The following ENOX1 variants were observed in gnomAD, a reference collection of about 807,000 sequenced individuals.
ENOX1 encodes ecto-NOX disulfide-thiol exchanger 1, also known as candidate growth-related and time keeping constitutive hydroquinone (NADH) oxidase.
A neutral mutation model predicts 82.5 loss-of-function variants in ENOX1; 42 were observed. That is an observed-to-expected ratio of 0.51 (90% CI 0.40 to 0.66). The LOEUF (loss-of-function observed/expected upper bound fraction) is 0.66. Among genes scored for constraint, ENOX1 ranks in the 30% least tolerant of loss-of-function variants. ENOX1 has a pLI of 0.00. For missense variants in ENOX1, 608 were observed against 811.6 expected (o/e 0.75, Z 3.05); for synonymous variants, 271 against 282.2 (o/e 0.96, Z 0.40).
chr13:43,397,020 G>A (rs974621563), intron 5 of ENOX1, among the ~76,000 whole-genome samples: 1 of 152,158 alleles, frequency 6.6e-6, no homozygotes, highest in African/African-American at 2.4e-5. Context: ...CATACTGAGT[G>A]GCTTTTCCTG....
chr13:43,470,365 CGT>C lies in ENOX1; in HGVS notation c.-75+13642_-75+13643del, dbSNP rs1491516476. Among the ~76,000 whole-genome samples, 20 of 27,376 alleles carry C rather than the reference CGT, an allele frequency of 7.3e-4. 1 individual carries two copies. The highest frequency in any genetic ancestry group is 3.0e-3 in the African/African-American group (18 of 5,952). 18.0% of individuals were successfully genotyped at this position (27,376 alleles called of 152,430 possible). A position where few individuals can be genotyped will look rare whatever the true frequency, so the allele number is the denominator to read the frequency against. ...ACGTATATATATATGTATATATATA[CGT>C]ATATATATACATATATATACGTATA... is the stretch of plus-strand genomic sequence containing the variant. On this transcript the variant is annotated intron_variant, in intron 3 of 16. Transcript: ENST00000690772.
intron 8 of ENOX1, among the ~76,000 whole-genome samples, chr13:43,347,071 C>T (rs1251983364): frequency 1.3e-5 from 2 of 152,104 alleles, no homozygotes; most frequent in African/African-American, 4.8e-5. Flanking sequence ...TTTTCCTTCT[C>T]TTGCTTGTGG....
intron 2 of ENOX1, among the ~76,000 whole-genome samples, chr13:43,612,670 AAGTT>A (rs1283373522): frequency 6.6e-6 from 1 of 152,168 alleles, no homozygotes; most frequent in Non-Finnish European, 1.5e-5. Flanking sequence ...TTGTTTCAAA[AAGTT>A]AGTCTGGTAA....
intron 3 of ENOX1, among the ~76,000 whole-genome samples, chr13:43,422,600 T>C (rs2055043225): frequency 1.3e-5 from 2 of 152,188 alleles, no homozygotes; most frequent in Non-Finnish European, 2.9e-5. Context: ...CCACAGCATG[T>C]CTATCTTTGA....
intron 1 of ENOX1, among the ~76,000 whole-genome samples, chr13:43,740,855 T>C (rs1202987638): frequency 6.6e-6 from 1 of 152,212 alleles, no homozygotes; most frequent in East Asian, 1.9e-4. Flanking sequence ...TATTCCATTG[T>C]CTAGCTATAT....
chr13:43,491,296 A>C (rs1566366539), intron 2 of ENOX1, among the ~76,000 whole-genome samples: 1 of 152,012 alleles, frequency 6.6e-6, no homozygotes, highest in East Asian at 1.9e-4. Flanking sequence ...TGATCCCATC[A>C]CCTCCTACCA....
Position 43,403,303 on chromosome 13 carries a change from C to T in ENOX1, c.208+8613G>A, listed in dbSNP as rs575724541. On this transcript the variant is annotated intron_variant, in intron 5 of 16. Coordinates refer to ENST00000690772, the MANE Select transcript of ENOX1 (RefSeq NM_001347969.2). Reference sequence around the variant, plus strand: ...TTTATATTAATAATTCAGAAGAGGTCGATCTAATGCTAAGCAAGTAAATTT... The same window carrying T: ...TTTATATTAATAATTCAGAAGAGGTTGATCTAATGCTAAGCAAGTAAATTT... Among the ~76,000 whole-genome samples, 133 of 152,006 alleles carry T rather than the reference C, an allele frequency of 8.7e-4. 1 individual carries two copies. Among genetic ancestry groups the T allele is most frequent in the African/African-American group, 3.2e-3 (131 of 41,464 alleles).
At chr13:43,464,309 T>A (rs764863552) in intron 3 of ENOX1, among the ~76,000 whole-genome samples, 3 of 152,066 alleles carry the variant, frequency 2.0e-5, no homozygotes, top group Non-Finnish European at 4.4e-5. Context: ...CAACAGATGA[T>A]GAAGATGAAA....
At chr13:43,380,736 G>T (rs979168513) in intron 5 of ENOX1, among the ~76,000 whole-genome samples, 19 of 151,686 alleles carry the variant, frequency 1.3e-4, no homozygotes, top group African/African-American at 4.6e-4. Context: ...TAACATTAAT[G>T]AAAAGAAAGC....
At chr13:43,462,598 G>C (rs552018829) in intron 3 of ENOX1, among the ~76,000 whole-genome samples, 1 of 152,336 alleles carries the variant, frequency 6.6e-6, no homozygotes, top group African/African-American at 2.4e-5. Flanking sequence ...ATTCTGAGTA[G>C]TTATTACTAC....
intron 1 of ENOX1, among the ~76,000 whole-genome samples, chr13:43,755,017 A>G (rs1441786266): frequency 6.6e-6 from 1 of 152,112 alleles, no homozygotes; most frequent in Admixed American, 6.5e-5. Context: ...TCCACAATAG[A>G]AAACTCAGAG....
intron 2 of ENOX1, among the ~76,000 whole-genome samples, chr13:43,630,743 C>T (rs1167821720): frequency 6.6e-6 from 1 of 151,768 alleles, no homozygotes; most frequent in Non-Finnish European, 1.5e-5. Context: ...AAATGGAACT[C>T]CACATAATAC....
At chr13:43,662,387 C>A (rs193203038) in intron 2 of ENOX1, among the ~76,000 whole-genome samples, 12 of 152,258 alleles carry the variant, frequency 7.9e-5, no homozygotes, top group African/African-American at 2.6e-4. Context: ...CATCTCCATG[C>A]AATATAGGTG....
intron 11 of ENOX1, among the ~76,000 whole-genome samples, chr13:43,312,087 T>C (rs1593863272): frequency 6.6e-6 from 1 of 152,198 alleles, no homozygotes; most frequent in Non-Finnish European, 1.5e-5. Flanking sequence ...ATCACAAGTA[T>C]CAAATATAAA....
At chr13:43,235,865 T>C (rs1298447520) in intron 15 of ENOX1, among the ~76,000 whole-genome samples, 2 of 152,200 alleles carry the variant, frequency 1.3e-5, no homozygotes, top group African/African-American at 4.8e-5. Flanking sequence ...CAGTCTCACC[T>C]GGCAACCCCA....
chr13:43,226,944 G>A (rs982639512), intron 15 of ENOX1, among the ~76,000 whole-genome samples: 2 of 150,660 alleles, frequency 1.3e-5, no homozygotes, highest in Admixed American at 1.3e-4. Context: ...TAAGACTTGA[G>A]CAGTCTTAAG....
At chr13:43,400,014 T>C (rs2153588812) in intron 5 of ENOX1, among the ~76,000 whole-genome samples, 1 of 152,128 alleles carries the variant, frequency 6.6e-6, no homozygotes, top group South Asian at 2.1e-4. Context: ...GCTCTGAAAT[T>C]ACTCTCCTGA....
intron 2 of ENOX1, among the ~76,000 whole-genome samples, chr13:43,596,602 A>G (rs1268401518): frequency 1.3e-5 from 2 of 152,210 alleles, no homozygotes; most frequent in Admixed American, 6.5e-5. Context: ...TTTTTTCTAT[A>G]AAGCAGCATC....
At chr13:43,292,140 G>C (rs536959857) in intron 12 of ENOX1, among the ~76,000 whole-genome samples, 1 of 152,170 alleles carries the variant, frequency 6.6e-6, no homozygotes, top group South Asian at 2.1e-4. Context: ...CTGGAGTAAA[G>C]AGAGATGATT....
Sources: allele counts gnomAD v4.1 joint callset (sites outside exome capture counted in the v4.1 genomes callset), GRCh38; gene constraint gnomAD v4.1.1; transcripts MANE v1.5; gene names NCBI Gene and HGNC (gene_info 2026-07-23, HGNC 2026-07-21).